Variants in MOB3B observed in about 807,000 individuals in gnomAD.
The protein encoded by MOB3B is MOB kinase activator-like 2B.
A neutral mutation model predicts 18.7 loss-of-function variants in MOB3B; 7 were observed. That is an observed-to-expected ratio of 0.37 (90% CI 0.21 to 0.70). The LOEUF (loss-of-function observed/expected upper bound fraction) is 0.70. Among genes scored for constraint, MOB3B ranks in the 30% least tolerant of loss-of-function variants. The probability of loss-of-function intolerance (pLI) is 0.52; values close to 1 mark genes in which losing one functional copy is unlikely to be tolerated. For synonymous variants in MOB3B, 111 were observed against 99.9 expected, an observed-to-expected ratio of 1.11 and a Z score of -0.66; for missense variants, 253 against 281.3, an observed-to-expected ratio of 0.90 and a Z score of 0.72.
At chr9:27,346,168 C>G (rs918686250) in intron 3 of MOB3B, among the ~76,000 whole-genome samples, 3 of 152,172 alleles carry the variant, frequency 2.0e-5, no homozygotes, top group African/African-American at 7.2e-5. Context: ...TGAGAAGGCA[C>G]CATCTTTCAG....
chr9:27,400,999 G>A (rs1269802456), intron 2 of MOB3B, among the ~76,000 whole-genome samples: 1 of 152,184 alleles, frequency 6.6e-6, no homozygotes, highest in Admixed American at 6.5e-5. Context: ...GTTTTGATCT[G>A]TCCATGACAA....
chr9:27,478,613 C>G (rs1819597321), intron 1 of MOB3B, among the ~76,000 whole-genome samples: 1 of 151,476 alleles, frequency 6.6e-6, no homozygotes. Flanking sequence ...AAAAAGGGAT[C>G]AAAAAATGTG....
intron 1 of MOB3B, among the ~76,000 whole-genome samples, chr9:27,459,581 G>A (rs1819247222): frequency 6.6e-6 from 1 of 151,980 alleles, no homozygotes; most frequent in Non-Finnish European, 1.5e-5. Context: ...TCAACAGATT[G>A]TTTCATAAAC....
chr9:27,430,099 A>G (rs1206569876), intron 2 of MOB3B, among the ~76,000 whole-genome samples: 1 of 152,128 alleles, frequency 6.6e-6, no homozygotes, highest in African/African-American at 2.4e-5. Flanking sequence ...TGTCTGATCA[A>G]TCTCTCTGGA....
intron 1 of MOB3B, chr9:27,524,835 C>T (rs1385841007): frequency 6.2e-7 from 1 of 1,614,072 alleles, no homozygotes; most frequent in South Asian, 1.1e-5. Context: ...GAGATATTTC[C>T]ACAGGATAGA....
chr9:27,517,095 G>A (rs1042476797), intron 1 of MOB3B, among the ~76,000 whole-genome samples: 3 of 151,920 alleles, frequency 2.0e-5, no homozygotes, highest in African/African-American at 7.3e-5. Context: ...TCCAAAAGTT[G>A]CCAACCTTAA....
At chr9:27,503,202 G>T (rs1369379020) in intron 1 of MOB3B, among the ~76,000 whole-genome samples, 1 of 152,100 alleles carries the variant, frequency 6.6e-6, no homozygotes, top group East Asian at 1.9e-4. Context: ...AGGAGGGAAA[G>T]GGAAGGACTG....
At chr9:27,394,111 G>C (rs1358165838) in intron 2 of MOB3B, 1 of 152,176 alleles carries the variant, frequency 6.6e-6, no homozygotes, top group Non-Finnish European at 1.5e-5. Flanking sequence ...GGGGCTCTCA[G>C]TGTTTGTGGT....
chr9:27,462,088 G>C (rs1304264713), intron 1 of MOB3B, among the ~76,000 whole-genome samples: 1 of 152,110 alleles, frequency 6.6e-6, no homozygotes, highest in Non-Finnish European at 1.5e-5. Context: ...CCTTGGGCAG[G>C]GTTGATCCAA....
chr9:27,436,725 T>A (rs1048121393), intron 2 of MOB3B, among the ~76,000 whole-genome samples: 1 of 152,166 alleles, frequency 6.6e-6, no homozygotes, highest in Non-Finnish European at 1.5e-5. Context: ...ATGATTAATA[T>A]AAATGAATAA....
At chr9:27,496,088 CACTAAAAACGAGCAAAAAA>C (rs1334693923) in intron 1 of MOB3B, among the ~76,000 whole-genome samples, 1 of 152,178 alleles carries the variant, frequency 6.6e-6, no homozygotes, top group East Asian at 1.9e-4. Flanking sequence ...TAAGCAATAT[CACTAAAAACGAGCAAAAAA>C]ACTCTCATTA....
chr9:27,397,130 G>C (rs1821811968), intron 2 of MOB3B: 1 of 152,170 alleles, frequency 6.6e-6, no homozygotes, highest in African/African-American at 2.4e-5. Flanking sequence ...TTGTTCAACA[G>C]AAGTTGGGGA....
At chr9:27,358,535 T>A (rs989060134) in intron 3 of MOB3B, among the ~76,000 whole-genome samples, 2 of 152,238 alleles carry the variant, frequency 1.3e-5, no homozygotes, top group East Asian at 1.9e-4. Flanking sequence ...TGAGACTGTA[T>A]CCTTATTTAG....
intron 1 of MOB3B, among the ~76,000 whole-genome samples, chr9:27,512,323 C>T (rs1820159895): frequency 6.6e-6 from 1 of 152,124 alleles, no homozygotes; most frequent in South Asian, 2.1e-4. Flanking sequence ...TTTTGCAGAA[C>T]ATTATGAGAT....
chr9:27,447,940 C>T (rs1045313307), intron 2 of MOB3B, among the ~76,000 whole-genome samples: 1 of 152,124 alleles, frequency 6.6e-6, no homozygotes, highest in Non-Finnish European at 1.5e-5. Context: ...TTTAAAGGAA[C>T]AGAATCTTAG....
chr9:27,457,257 T>C (rs1819189603), intron 1 of MOB3B, among the ~76,000 whole-genome samples: 2 of 152,202 alleles, frequency 1.3e-5, no homozygotes, highest in African/African-American at 4.8e-5. Context: ...TATAGATTGG[T>C]CGGAGGTGAA....
intron 1 of MOB3B, among the ~76,000 whole-genome samples, chr9:27,469,854 G>A (rs1410785145): frequency 1.3e-5 from 2 of 152,084 alleles, no homozygotes; most frequent in African/African-American, 4.8e-5. Flanking sequence ...GGGAAGCCAA[G>A]GCAGGAGGAT....
intron 1 of MOB3B, among the ~76,000 whole-genome samples, chr9:27,472,661 T>G (rs757273498): frequency 1.4e-5 from 2 of 139,982 alleles, no homozygotes; most frequent in Non-Finnish European, 3.0e-5. Context: ...CTATTCTCTT[T>G]AAACTGCACT....
intron 1 of MOB3B, among the ~76,000 whole-genome samples, chr9:27,501,251 G>A (rs1249161968): frequency 6.6e-6 from 1 of 152,186 alleles, no homozygotes; most frequent in African/African-American, 2.4e-5. Flanking sequence ...CCATTACTGG[G>A]TGTATACCCA....
Sources: allele counts gnomAD v4.1 joint callset (sites outside exome capture counted in the v4.1 genomes callset), GRCh38; gene constraint gnomAD v4.1.1; transcripts MANE v1.5; gene names NCBI Gene and HGNC (gene_info 2026-07-23, HGNC 2026-07-21).